PPP2R5D: variants seen among roughly 807,000 people sequenced by gnomAD.
The protein encoded by PPP2R5D is serine/threonine-protein phosphatase 2A 56 kDa regulatory subunit delta isoform.
PPP2R5D carries 12 observed loss-of-function variants against 79.1 expected under a neutral mutation model. That is an observed-to-expected ratio of 0.15 (90% CI 0.10 to 0.25). The LOEUF (loss-of-function observed/expected upper bound fraction) is 0.25, where lower values mean the gene tolerates loss of function less well. PPP2R5D is among the 10% of genes least tolerant of loss of function. PPP2R5D has a pLI of 1.00. For synonymous variants in PPP2R5D, 277 were observed against 286.6 expected (o/e 0.97, Z 0.34); for missense variants, 419 against 760.2 (o/e 0.55, Z 5.28).
chr6:43,010,600 T>C lies in PPP2R5D; in HGVS notation c.1481+31T>C, dbSNP rs751775931. On this transcript the variant is annotated intron_variant, in intron 13 of 15. Transcript: ENST00000485511. The surrounding 1 kb of genome is among the most constrained non-coding windows in gnomAD (Gnocchi z 4.7). ...TATCTCTCTCCCCGGGAGACTTTCA[T>C]CTTCTACCACCAGCTCACTGTGTTT... is the stretch of plus-strand genomic sequence containing the variant. 3.7e-6 allele frequency: 6 copies of C among 1,612,918 alleles called. No homozygotes were observed. The East Asian group carries it at 1.1e-4, about 30-fold the overall frequency.
rs1262269603 is a variant in PPP2R5D at position 43,009,583 on chromosome 6, A to C, written c.1379+134A>C. On this transcript the variant is annotated intron_variant, in intron 12 of 15. Transcript: ENST00000485511. This position sits in a 1 kb window ranked among gnomAD's most constrained non-coding sequence, Gnocchi z 5.6. The stretch of plus-strand genomic sequence containing the variant: ...CTGATGTCCCCTGCATGTTGATAGG[A>C]CCTTGAGGGGCTGACTGGAGCGAAA... The C allele has an allele frequency of 2.3e-6, 3 of 1,278,306 alleles. No homozygotes were observed. In the African/African-American group the frequency reaches 4.5e-5, roughly 19 times the overall value. The allele number at this position is 1,278,306 out of a possible 1,614,324, so 79.2% of individuals were successfully genotyped here.
rs979906276 is a variant in PPP2R5D, at chr6:43,006,434, G to A, written c.106-29G>A. 10 of 1,608,962 alleles carry A rather than the reference G, an allele frequency of 6.2e-6. No homozygotes were observed. The highest frequency in any genetic ancestry group is 8.5e-6 in the Non-Finnish European group (10 of 1,177,928). On this transcript the variant is annotated intron_variant, in intron 2 of 15. Transcript: ENST00000485511. This position sits in a 1 kb window ranked among gnomAD's most constrained non-coding sequence, Gnocchi z 4.7. Reference sequence around the variant, plus strand: ...GGGTGGGAGGCATATCTTGGGAAGTGGATTTCAACAGGTGACTTGTTTGAC... The same window carrying A: ...GGGTGGGAGGCATATCTTGGGAAGTAGATTTCAACAGGTGACTTGTTTGAC...
chr6:42,984,846 C>A, intron 1 of PPP2R5D, 142 bp downstream of exon 1: 2 of 1,330,716 alleles, frequency 1.5e-6, no homozygotes, highest in East Asian at 2.7e-5. Flanking sequence ...CCTCCGCCCC[C>A]GCGGCTGGCA....
At chr6:42,988,976 T>C (rs1348934209) in intron 1 of PPP2R5D, among the ~76,000 whole-genome samples, 2 of 152,220 alleles carry the variant, frequency 1.3e-5, no homozygotes, top group Non-Finnish European at 2.9e-5. Flanking sequence ...AGACTAGTGC[T>C]CACTCTTTGT....
intron 2 of PPP2R5D, among the ~76,000 whole-genome samples, chr6:42,999,306 A>G (rs1186545465): frequency 1.3e-5 from 2 of 152,164 alleles, no homozygotes; most frequent in Admixed American, 1.3e-4. Flanking sequence ...TGAAGGGTGA[A>G]TAGACAGCGG....
intron 2 of PPP2R5D, among the ~76,000 whole-genome samples, chr6:42,992,294 C>T (rs562487231): frequency 2.6e-5 from 4 of 152,136 alleles, no homozygotes; most frequent in East Asian, 1.9e-4. Flanking sequence ...CTCCTGACCT[C>T]GTGATCCACC....
chr6:43,004,211 CA>C (rs1761932916), intron 2 of PPP2R5D, among the ~76,000 whole-genome samples: 1 of 151,800 alleles, frequency 6.6e-6, no homozygotes, highest in African/African-American at 2.4e-5. Context: ...TTAGTAGAGA[CA>C]GGGTTTCACT....
chr6:42,990,134 T>C (rs1165411162), intron 2 of PPP2R5D, among the ~76,000 whole-genome samples: 1 of 152,142 alleles, frequency 6.6e-6, no homozygotes, highest in African/African-American at 2.4e-5. Context: ...CCTGATTGAA[T>C]GGCAGCATGA....
At position 43,009,316 on chromosome 6, in the gene PPP2R5D, C is replaced by G. The variant is rs751038070; in HGVS notation, c.1252-6C>G. The stretch of plus-strand genomic sequence containing the variant: ...AGCACCCACCGAGTCTGCCTCTCCC[C>G]ACCAGGTGGCAGAGCGTGCTCTCTA... On this transcript the variant is annotated splice_region_variant and splice_polypyrimidine_tract_variant and intron_variant, in intron 11 of 15. Transcript: ENST00000485511. This position sits in a 1 kb window ranked among gnomAD's most constrained non-coding sequence, Gnocchi z 5.6. The G allele has an allele frequency of 1.9e-6, 3 of 1,614,124 alleles. No homozygotes were observed. Among genetic ancestry groups the G allele is most frequent in the Admixed American group, 1.7e-5 (1 of 60,016 alleles).
chr6:42,996,412 C>T (rs1368155181), intron 2 of PPP2R5D, among the ~76,000 whole-genome samples: 2 of 150,516 alleles, frequency 1.3e-5, no homozygotes, highest in Admixed American at 6.6e-5. Context: ...TGCAGTGAGC[C>T]GAGATGGCGC....
rs780858279 is a variant in PPP2R5D, at chr6:43,011,212, G to A, written c.1735G>A (p.Val579Met). The A allele has an allele frequency of 1.7e-5, 27 of 1,614,034 alleles. No individual in the cohort carries two copies. The highest frequency in any genetic ancestry group is 6.7e-5 in the East Asian group (3 of 44,902). Residue 579 changes from valine (V) to methionine (M), a missense_variant, in exon 16 of 16, where the codon GTG becomes ATG. By Grantham distance (21) the Val-to-Met change is conservative. This residue lies in a region of PPP2R5D where 84 missense variants were observed against 105.4 expected (regional missense o/e 0.80). Transcript: ENST00000485511. The part of the protein sequence containing the change: ...LRRKSELPQD[V>M]YTIKALEAHK... The stretch of plus-strand genomic sequence containing the variant: ...GAGGAAGTCGGAGCTGCCCCAGGAC[G>A]TGTACACCATCAAGGCACTGGAGGC...
At chr6:42,990,133 A>G (rs1196267228) in intron 2 of PPP2R5D, among the ~76,000 whole-genome samples, 2 of 152,208 alleles carry the variant, frequency 1.3e-5, no homozygotes, top group Admixed American at 6.5e-5. Context: ...TCCTGATTGA[A>G]TGGCAGCATG....
rs893797341 is a variant in PPP2R5D at position 43,008,815 on chromosome 6, G to A, written c.1080+69G>A. On this transcript the variant is annotated intron_variant, in intron 10 of 15. Coordinates refer to ENST00000485511, the MANE Select transcript of PPP2R5D (RefSeq NM_006245.4). The surrounding 1 kb of genome is among the most constrained non-coding windows in gnomAD (Gnocchi z 4.2). ...CATCACTTGCCAGTCTGTACCTACT[G>A]GGGGTGCCATAAGGGGGAACTCAGG... 6.5e-7 allele frequency: 1 copy of A among 1,532,360 alleles called. No individual in the cohort carries two copies. The highest frequency in any genetic ancestry group is 1.4e-5 in the African/African-American group (1 of 72,992). The allele number at this position is 1,532,360 out of a possible 1,614,324, so 94.9% of individuals were successfully genotyped here. A position where few individuals can be genotyped will look rare whatever the true frequency, so the allele number is the denominator to read the frequency against.
At chr6:43,001,918 A>G (rs1311142828) in intron 2 of PPP2R5D, among the ~76,000 whole-genome samples, 1 of 148,632 alleles carries the variant, frequency 6.7e-6, no homozygotes, top group African/African-American at 2.6e-5. Flanking sequence ...AGTGCGTGAC[A>G]GAGCCAGACT....
Position 42,984,612 on chromosome 6 carries a change from T to A in PPP2R5D, c.-66T>A. 6.5e-7 allele frequency: 1 copy of A among 1,545,006 alleles called. No individual in the cohort carries two copies. Among genetic ancestry groups the A allele is most frequent in the Non-Finnish European group, 8.7e-7 (1 of 1,146,220 alleles). ...GCGAAGAGACGCCGAGCGGGCCGAGTGCGGCCGAGCAAAGCCGGAGCCGGA... is the reference window on the plus strand; with the variant it reads ...GCGAAGAGACGCCGAGCGGGCCGAGAGCGGCCGAGCAAAGCCGGAGCCGGA... On this transcript the variant is annotated 5_prime_UTR_variant, in exon 1 of 16. Coordinates refer to ENST00000485511, the MANE Select transcript of PPP2R5D (RefSeq NM_006245.4).
At position 43,009,479 on chromosome 6, in the gene PPP2R5D, G is replaced by C. The variant is rs779544927; in HGVS notation, c.1379+30G>C. The C allele has an allele frequency of 6.2e-7, 1 of 1,613,604 alleles. No homozygotes were observed. Among genetic ancestry groups the C allele is most frequent in the Non-Finnish European group, 8.5e-7 (1 of 1,179,834 alleles). On this transcript the variant is annotated intron_variant, in intron 12 of 15. Coordinates refer to ENST00000485511, the MANE Select transcript of PPP2R5D (RefSeq NM_006245.4). The surrounding 1 kb of genome is among the most constrained non-coding windows in gnomAD (Gnocchi z 5.6). ...GGCGCTGGGGTGGGGCTGGGTGGTG[G>C]GGATCCAGTTTGGGAAACTTTGAGG...
Position 43,008,666 on chromosome 6 carries a change from C to T in PPP2R5D, c.1027-27C>T, listed in dbSNP as rs1762212527. The T allele has an allele frequency of 6.2e-7, 1 of 1,611,768 alleles. No homozygotes were observed. The highest frequency in any genetic ancestry group is 1.1e-5 in the South Asian group (1 of 91,036). ...GAGAGCTTCTAGGACCTACACCTCA[C>T]CTCCCTTCTACCTCACACCTTTGCA... On this transcript the variant is annotated intron_variant, in intron 9 of 15. Coordinates refer to ENST00000485511, the MANE Select transcript of PPP2R5D (RefSeq NM_006245.4). This position sits in a 1 kb window ranked among gnomAD's most constrained non-coding sequence, Gnocchi z 4.2.
chr6:42,990,975 G>A (rs895778714), intron 2 of PPP2R5D, among the ~76,000 whole-genome samples: 2 of 152,118 alleles, frequency 1.3e-5, no homozygotes, highest in Non-Finnish European at 2.9e-5. Context: ...GCCTCCCAAA[G>A]TGCTGGGATT....
chr6:43,006,068 C>T lies in PPP2R5D; in HGVS notation c.106-395C>T, dbSNP rs1379574359. Among the ~76,000 whole-genome samples the T allele has an allele frequency of 2.6e-5, 4 of 152,228 alleles. No individual in the cohort carries two copies. Among genetic ancestry groups the T allele is most frequent in the African/African-American group, 9.6e-5 (4 of 41,466 alleles). On this transcript the variant is annotated intron_variant, in intron 2 of 15. Coordinates refer to ENST00000485511, the MANE Select transcript of PPP2R5D (RefSeq NM_006245.4). The surrounding 1 kb of genome is among the most constrained non-coding windows in gnomAD (Gnocchi z 4.7). ...TGTTTACATTACTCAGAAGGCTCCT[C>T]ATGTCTCTTCTTATTCCTCATGTGT... is the stretch of plus-strand genomic sequence containing the variant.
Sources: allele counts gnomAD v4.1 joint callset (sites outside exome capture counted in the v4.1 genomes callset), GRCh38; gene constraint gnomAD v4.1.1; regional missense constraint gnomAD v4.1.1; non-coding constraint Gnocchi (gnomAD v3.1); transcripts MANE v1.5; gene names NCBI Gene and HGNC (gene_info 2026-07-23, HGNC 2026-07-21).